ZNF500: variants seen among roughly 807,000 people sequenced by gnomAD.
ZNF500 encodes zinc finger protein with KRAB and SCAN domains 18.
Under a neutral mutation model 30.1 loss-of-function variants are expected in ZNF500, and 31 were observed. The observed-to-expected ratio is 1.03, with a 90% CI of 0.77 to 1.39. The LOEUF is 1.39. Ranked by LOEUF, ZNF500 falls within the 40% of genes most tolerant of loss-of-function variation. The pLI is 0.00. For missense variants in ZNF500, 817 were observed against 657.8 expected, an observed-to-expected ratio of 1.24 and a Z score of -2.65; for synonymous variants, 392 against 282.0, an observed-to-expected ratio of 1.39 and a Z score of -3.91.
chr16:4,761,414 T>C (rs912240211), intron 4 of ZNF500, among the ~76,000 whole-genome samples: 5 of 149,584 alleles, frequency 3.3e-5, no homozygotes, highest in Non-Finnish European at 7.4e-5. Context: ...CACTCCAGCC[T>C]GGGCAACAAG....
At chr16:4,754,562 G>T (rs2082117073) in intron 5 of ZNF500, among the ~76,000 whole-genome samples, 1 of 151,820 alleles carries the variant, frequency 6.6e-6, no homozygotes, top group South Asian at 2.1e-4. Flanking sequence ...TACTTGGGAG[G>T]CTGAGGCAGG....
intron 2 of ZNF500, among the ~76,000 whole-genome samples, chr16:4,763,323 C>A (rs142972844): frequency 1.3e-5 from 2 of 150,564 alleles, no homozygotes; most frequent in Non-Finnish European, 2.9e-5. Flanking sequence ...CGCTTGAACT[C>A]GGGAAGTACA....
At chr16:4,747,251 T>A, downstream of ZNF500, 1 of 1,428,830 alleles carries the variant, frequency 7.0e-7, no homozygotes, top group East Asian at 2.3e-5. Context: ...AAATGGGAGC[T>A]GGGCTCATCT....
Position 4,753,041 on chromosome 16 carries a change from C to G in ZNF500, c.778G>C (p.Glu260Gln), listed in dbSNP as rs1370727797. The G allele has an allele frequency of 2.0e-6, 3 of 1,521,676 alleles. No homozygotes were observed. The highest frequency in any genetic ancestry group is 1.8e-6 in the Non-Finnish European group (2 of 1,139,780). The allele number at this position is 1,521,676 out of a possible 1,614,324, so 94.3% of individuals were successfully genotyped here. A position where few individuals can be genotyped will look rare whatever the true frequency, so the allele number is the denominator to read the frequency against. Residue 260 changes from glutamate to glutamine, a missense_variant, in exon 6 of 6, where the codon GAG becomes CAG. Coordinates refer to ENST00000219478, the MANE Select transcript of ZNF500 (RefSeq NM_021646.4). ...LENEGPGIQL[E>Q]DGGDGREDAP... ...TCCTCCCTGCCATCACCGCCGTCCT[C>G]CAACTGGATCCCAGGTCCTGAGACA...
intron 2 of ZNF500, among the ~76,000 whole-genome samples, chr16:4,764,903 C>T (rs746381530): frequency 4.6e-5 from 7 of 152,234 alleles, no homozygotes; most frequent in Non-Finnish European, 1.0e-4. Flanking sequence ...GGGGCTCTAA[C>T]CAAAGTGCCC....
intron 5 of ZNF500, among the ~76,000 whole-genome samples, chr16:4,760,204 GC>G (rs2082182255): frequency 1.3e-5 from 2 of 152,310 alleles, no homozygotes; most frequent in South Asian, 4.1e-4. Flanking sequence ...TGTGGGAGCA[GC>G]TCTGCCCTTG....
At chr16:4,754,181 C>A (rs935479180) in intron 5 of ZNF500, among the ~76,000 whole-genome samples, 1 of 152,128 alleles carries the variant, frequency 6.6e-6, no homozygotes, top group Non-Finnish European at 1.5e-5. Context: ...AGGCACACGC[C>A]ATGCTGACCT....
chr16:4,751,397 C>G lies in ZNF500; in HGVS notation c.*979G>C, dbSNP rs1046282429. On this transcript the variant is annotated 3_prime_UTR_variant, in exon 6 of 6. Transcript: ENST00000219478. ...CTGGGCCCCGGCCCTGGGGAGATGT[C>G]AGGCCCGTCACATCCCAGGCAACAT... 6.2e-5 allele frequency: 38 copies of G among 609,958 alleles called. No individual in the cohort carries two copies. Among genetic ancestry groups the G allele is most frequent in the Non-Finnish European group, 1.0e-4 (37 of 357,922 alleles). The allele number at this position is 609,958 out of a possible 1,614,324, so 37.8% of individuals were successfully genotyped here.
At chr16:4,763,684 G>A (rs1306003615) in intron 2 of ZNF500, 3 of 985,378 alleles carry the variant, frequency 3.0e-6, no homozygotes, top group South Asian at 9.4e-5. Context: ...AGGCATGTGT[G>A]CAGAGGTGTC....
downstream of ZNF500, chr16:4,746,359 G>C: frequency 6.2e-7 from 1 of 1,607,286 alleles, no homozygotes; most frequent in Non-Finnish European, 8.5e-7. Context: ...CACAACACCT[G>C]CTTTTCTCAT....
chr16:4,758,120 A>T (rs1220752150), intron 5 of ZNF500, among the ~76,000 whole-genome samples: 1 of 150,060 alleles, frequency 6.7e-6, no homozygotes, highest in African/African-American at 2.5e-5. Flanking sequence ...CTGGACTCGA[A>T]CTCCTGACCT....
At chr16:4,748,204 A>G (rs1006805454), downstream of ZNF500, 1 of 144,188 alleles carries the variant, frequency 6.9e-6, no homozygotes, top group African/African-American at 2.5e-5. Context: ...GGTGCACACC[A>G]CCATGTCCAG....
At chr16:4,763,701 G>A (rs1395626295) in intron 2 of ZNF500, 3 of 983,668 alleles carry the variant, frequency 3.0e-6, no homozygotes, top group Non-Finnish European at 3.6e-6. Context: ...TGTCGGTGCA[G>A]TGACAGAAGG....
rs2082218179 is a variant in ZNF500, at chr16:4,762,611, T to C, written c.560A>G (p.His187Arg). 6.2e-7 allele frequency: 1 copy of C among 1,613,900 alleles called. No individual in the cohort carries two copies. Among genetic ancestry groups the C allele is most frequent in the Non-Finnish European group, 8.5e-7 (1 of 1,179,964 alleles). Residue 187 changes from histidine (H) to arginine (R), a missense_variant, in exon 3 of 6, where the codon CAC becomes CGC. Transcript: ENST00000219478. Reference sequence around the variant, plus strand: ...CAACAGCGGGCCCCTCTGTGGCCTGTGGCTCAGCTGGGCTGGGGGCTGCTG... The same window carrying C: ...CAACAGCGGGCCCCTCTGTGGCCTGCGGCTCAGCTGGGCTGGGGGCTGCTG... Reference protein sequence around the residue: ...SSQQPPAQLSHRPQRGPLLWP... With the variant: ...SSQQPPAQLSRRPQRGPLLWP...
rs573565980 is a variant in ZNF500, at chr16:4,753,924, CCT to C, written c.761-868_761-867del. On this transcript the variant is annotated intron_variant, in intron 5 of 5. Coordinates refer to ENST00000219478, the MANE Select transcript of ZNF500 (RefSeq NM_021646.4). Reference sequence around the variant, plus strand: ...CTCCCTTGTCGTACTTGGTGTGGCCCCTGAGGCCCCTCTGCAGATCCAGGTTC... The same window carrying C: ...CTCCCTTGTCGTACTTGGTGTGGCCCGAGGCCCCTCTGCAGATCCAGGTTC... 4.5e-3 allele frequency among the ~76,000 whole-genome samples: 689 copies of C among 152,332 alleles called. 5 individuals carry two copies. The highest frequency in any genetic ancestry group is 0.016 in the African/African-American group (658 of 41,584).
rs553832753 is a variant in ZNF500, at chr16:4,765,679, A to C, written c.300T>G (p.Thr100=). ...GAGCCTGGATCTCCCCCGGCAGCAC[A>C]GTCAGGAACTGCTCCAGCACCAGCA... The part of the protein sequence containing the change: ...LELLVLEQFL[T]VLPGEIQARV... Residue 100 remains threonine (T), a synonymous_variant, in exon 2 of 6, where the codon ACT becomes ACG. Coordinates refer to ENST00000219478, the MANE Select transcript of ZNF500 (RefSeq NM_021646.4). 3.7e-6 allele frequency: 6 copies of C among 1,613,614 alleles called. No individual in the cohort carries two copies. The highest frequency in any genetic ancestry group is 5.1e-6 in the Non-Finnish European group (6 of 1,179,948).
chr16:4,745,891 T>C (rs2341989), downstream of ZNF500, among the ~76,000 whole-genome samples: 89,671 of 149,794 alleles, frequency 0.6, 27,328 homozygotes, highest in East Asian at 0.67. Flanking sequence ...GAGGCGGAGG[T>C]TGCAGTGACC....
intron 2 of ZNF500, 89 bp from the exon 3 acceptor site, chr16:4,762,845 C>T: frequency 1.4e-6 from 2 of 1,470,344 alleles, no homozygotes; most frequent in African/African-American, 1.4e-5. Flanking sequence ...TCTCAGGCAC[C>T]CCAGCCGGCT....
chr16:4,763,195 C>A (rs1245995538), intron 2 of ZNF500: 2 of 834,228 alleles, frequency 2.4e-6, no homozygotes, highest in African/African-American at 3.7e-5. Context: ...GCCAGGAGTT[C>A]GAGACCAGCC....
Sources: allele counts gnomAD v4.1 joint callset (sites outside exome capture counted in the v4.1 genomes callset), GRCh38; gene constraint gnomAD v4.1.1; transcripts MANE v1.5; gene names NCBI Gene and HGNC (gene_info 2026-07-23, HGNC 2026-07-21).